Variants in TBX15 observed in about 807,000 individuals in gnomAD.
TBX15 encodes T-box transcription factor TBX15.
A neutral mutation model predicts 53.9 loss-of-function variants in TBX15; 18 were observed. That is an observed-to-expected ratio of 0.33 (90% CI 0.23 to 0.49). TBX15 has a LOEUF of 0.49. TBX15 is among the 20% of genes least tolerant of loss of function. The pLI, the probability that TBX15 is intolerant of heterozygous loss-of-function variation, is 0.98. For synonymous variants in TBX15, 295 were observed against 278.0 expected (o/e 1.06, Z -0.61); for missense variants, 692 against 749.5 (o/e 0.92, Z 0.90).
At chr1:118,943,357 T>C (rs144906878) in intron 1 of TBX15, among the ~76,000 whole-genome samples, 4 of 152,002 alleles carry the variant, frequency 2.6e-5, no homozygotes, top group African/African-American at 7.2e-5. Context: ...CTATCAAAAC[T>C]GAATGGTGTT....
intron 1 of TBX15, among the ~76,000 whole-genome samples, chr1:118,958,418 G>A (rs1322574692): frequency 6.6e-6 from 1 of 152,182 alleles, no homozygotes; most frequent in Non-Finnish European, 1.5e-5. Flanking sequence ...AGCAACCTGA[G>A]CAGACTAAAA....
At chr1:118,939,423 A>AAAAAAAAAAAAAAAAAAAAAAAG (rs1656081885) in intron 1 of TBX15, among the ~76,000 whole-genome samples, 1 of 118,770 alleles carries the variant, frequency 8.4e-6, no homozygotes, top group Non-Finnish European at 1.7e-5. Context: ...AAAAAAAAAA[A>AAAAAAAAAAAAAAAAAAAAAAAG]AAAAAAAAAA....
At chr1:118,895,515 T>C (rs181955522) in intron 7 of TBX15, among the ~76,000 whole-genome samples, 1 of 152,336 alleles carries the variant, frequency 6.6e-6, no homozygotes, top group African/African-American at 2.4e-5. Context: ...TATTTAGTTA[T>C]AACTGACCTG....
chr1:118,930,010 T>C lies in TBX15; in HGVS notation c.419+1609A>G, dbSNP rs543100303. On this transcript the variant is annotated intron_variant, in intron 2 of 7. Transcript: ENST00000369429. ...TGAGACCCAAGCAACGAAAAAGAGA[T>C]GATATTGAACACAGTTATCCAGCCC... 2.0e-5 allele frequency among the ~76,000 whole-genome samples: 3 copies of C among 152,268 alleles called. No homozygotes were observed. The East Asian group carries it at 5.8e-4, about 29-fold the overall frequency.
At chr1:118,946,527 C>A (rs1656353015) in intron 1 of TBX15, among the ~76,000 whole-genome samples, 2 of 152,140 alleles carry the variant, frequency 1.3e-5, no homozygotes, top group South Asian at 4.1e-4. Flanking sequence ...CTCTATTCTG[C>A]TGTAACAAAA....
At chr1:118,976,632 T>G (rs1377393878) in intron 1 of TBX15, among the ~76,000 whole-genome samples, 1 of 152,228 alleles carries the variant, frequency 6.6e-6, no homozygotes, top group African/African-American at 2.4e-5. Context: ...GCCCGGCTTC[T>G]GCTCACCCCC....
Position 118,988,183 on chromosome 1 carries a change from T to A in TBX15, c.-388A>T. 1 of 197,236 alleles carries A rather than the reference T, an allele frequency of 5.1e-6. No individual in the cohort carries two copies. The allele number at this position is 197,236 out of a possible 1,614,324, so 12.2% of individuals were successfully genotyped here. ...TCTCTCTCTCTCTCCCCTCCCTCTC[T>A]TTTTCTCTCCTCCCCCTCTCTCTCT... On this transcript the variant is annotated 5_prime_UTR_variant, in exon 1 of 8. In the 5' UTR this introduces an upstream ATG that the reference lacks. Coordinates refer to ENST00000369429, the MANE Select transcript of TBX15 (RefSeq NM_001330677.2).
At chr1:118,961,386 G>A (rs1264447852) in intron 1 of TBX15, among the ~76,000 whole-genome samples, 1 of 152,158 alleles carries the variant, frequency 6.6e-6, no homozygotes, top group Non-Finnish European at 1.5e-5. Flanking sequence ...AATTGAGCAT[G>A]TACTCTTCTA....
intron 1 of TBX15, among the ~76,000 whole-genome samples, chr1:118,978,137 G>A (rs1030387967): frequency 3.9e-5 from 6 of 152,108 alleles, no homozygotes; most frequent in Non-Finnish European, 7.4e-5. Context: ...TCATACACAA[G>A]GACTGGAAAT....
At chr1:118,988,566 G>A (rs949534219), upstream of TBX15, among the ~76,000 whole-genome samples, 3 of 152,198 alleles carry the variant, frequency 2.0e-5, no homozygotes, top group African/African-American at 7.2e-5. Context: ...ACAGTTGAAA[G>A]TTGAGGTCTG....
At chr1:118,901,788 A>G (rs1654638483) in intron 6 of TBX15, among the ~76,000 whole-genome samples, 1 of 152,160 alleles carries the variant, frequency 6.6e-6, no homozygotes, top group Non-Finnish European at 1.5e-5. Flanking sequence ...TCCATTACCA[A>G]TAAGTAAATA....
At position 118,884,985 on chromosome 1, in the gene TBX15, C is replaced by T. The variant is rs746168507; in HGVS notation, c.1556G>A (p.Gly519Glu). The T allele has an allele frequency of 9.9e-6, 16 of 1,614,074 alleles. No individual in the cohort carries two copies. Among genetic ancestry groups the T allele is most frequent in the Non-Finnish European group, 1.4e-5 (16 of 1,179,994 alleles). The change falls in exon 8 of 8, where the codon GGA becomes GAA. Residue 519 changes from glycine to glutamate, a missense_variant. Around this residue, in one of 3 missense-constraint regions of TBX15, gnomAD observed 375 missense variants for 371.6 expected, o/e 1.01. Transcript: ENST00000369429. ...CCTAGGGGAAGTGGGGAAATTGTATCCATACAGGTTGTAAGGGTTGTGAAG... is the reference window on the plus strand; with the variant it reads ...CCTAGGGGAAGTGGGGAAATTGTATTCATACAGGTTGTAAGGGTTGTGAAG... ...FSLHNPYNLY[G>E]YNFPTSPRLA...
intron 1 of TBX15, among the ~76,000 whole-genome samples, chr1:118,981,520 A>G (rs551226895): frequency 6.6e-6 from 1 of 152,232 alleles, no homozygotes; most frequent in Non-Finnish European, 1.5e-5. Flanking sequence ...AGCTAATATT[A>G]AAAGTATAAA....
Position 118,979,981 on chromosome 1 carries a change from G to T in TBX15, c.205+7610C>A, listed in dbSNP as rs570156906. On this transcript the variant is annotated intron_variant, in intron 1 of 7. Coordinates refer to ENST00000369429, the MANE Select transcript of TBX15 (RefSeq NM_001330677.2). ...CGGCGCCTCCAAGGCCGGGCCGAGG[G>T]GCCGAGGGGCCGAGGGCGGGCAGAC... 9.1e-3 allele frequency among the ~76,000 whole-genome samples: 1,392 copies of T among 152,326 alleles called. 21 individuals are homozygous for T. The highest frequency in any genetic ancestry group is 0.032 in the African/African-American group (1,313 of 41,582).
At chr1:118,961,353 G>C (rs1371562687) in intron 1 of TBX15, among the ~76,000 whole-genome samples, 1 of 152,188 alleles carries the variant, frequency 6.6e-6, no homozygotes, top group African/African-American at 2.4e-5. Context: ...TATGATGAGA[G>C]TGTGATTCAT....
At chr1:118,969,890 G>A (rs1657173000) in intron 1 of TBX15, among the ~76,000 whole-genome samples, 1 of 152,224 alleles carries the variant, frequency 6.6e-6, no homozygotes, top group South Asian at 2.1e-4. Context: ...TTGGCTCTAT[G>A]TTCCCACCCA....
At chr1:118,972,054 C>A (rs75102514) in intron 1 of TBX15, among the ~76,000 whole-genome samples, 201 of 152,326 alleles carry the variant, frequency 1.3e-3, no homozygotes, top group Non-Finnish European at 2.2e-3. Context: ...ACAATCTTGG[C>A]TACACCTTTG....
At chr1:118,931,517 G>T (rs1655778220) in intron 2 of TBX15, 102 bp downstream of exon 2, 2 of 1,289,588 alleles carry the variant, frequency 1.6e-6, no homozygotes, top group South Asian at 1.3e-5. Context: ...AGCTGCTTTG[G>T]TTTTGTTGAT....
At chr1:118,920,783 A>G (rs959288341) in intron 5 of TBX15, among the ~76,000 whole-genome samples, 17 of 152,224 alleles carry the variant, frequency 1.1e-4, no homozygotes, top group African/African-American at 4.1e-4. Flanking sequence ...AATCAATCAG[A>G]TTAGAAAGAA....
Sources: gnomAD v4.1 joint callset for allele counts (sites outside exome capture counted in the v4.1 genomes callset) on GRCh38, gnomAD v4.1.1 for gene constraint, gnomAD v4.1.1 regional missense constraint, MANE v1.5 for transcripts, NCBI Gene and HGNC (gene_info 2026-07-23, HGNC 2026-07-21) for gene names.